The following ABHD3 variants were observed in gnomAD, a reference collection of about 807,000 sequenced individuals.
The protein encoded by ABHD3 is abhydrolase domain containing 3, phospholipase, also known as phospholipase ABHD3.
In ABHD3, 46 loss-of-function variants were observed where a neutral mutation model predicts 48.8. The ratio of observed to expected loss-of-function variants is 0.94; its 90% confidence interval spans 0.74 to 1.20. ABHD3 has a LOEUF of 1.20. Ranked by LOEUF, ABHD3 falls within the 50% of genes most tolerant of loss-of-function variation. ABHD3 has a pLI of 0.00. For missense variants in ABHD3, 490 were observed against 497.8 expected (o/e 0.98, Z 0.15); for synonymous variants, 192 against 183.7 (o/e 1.04, Z -0.36).
intron 4 of ABHD3, among the ~76,000 whole-genome samples, chr18:21,667,992 A>G (rs6508540): frequency 0.51 from 76,745 of 151,058 alleles, 22,540 homozygotes; most frequent in African/African-American, 0.81. Flanking sequence ...CCTGAGGTCA[A>G]GAGTTCGAGA....
At chr18:21,704,353 T>C (rs2040587312) in intron 1 of ABHD3, 151 bp downstream of exon 1, 1 of 861,742 alleles carries the variant, frequency 1.2e-6, no homozygotes, top group Admixed American at 4.6e-5. Context: ...GCCTGTTGGC[T>C]TTCCCGCGCG....
In ABHD3 at chr18:21,704,485, T is replaced by G. The variant is rs372900519; in HGVS notation, c.162+19A>C. The stretch of plus-strand genomic sequence containing the variant: ...CTCCTGGCCCAGCAGCCCGCGGCCC[T>G]GCGCCACCCCCGGCTCACCTTGGCA... On this transcript the variant is annotated intron_variant, in intron 1 of 8. Transcript: ENST00000289119. 6.5e-6 allele frequency: 9 copies of G among 1,390,370 alleles called. No individual in the cohort carries two copies. In the African/African-American group the frequency reaches 1.2e-4, roughly 19 times the overall value. 86.1% of individuals were successfully genotyped at this position (1,390,370 alleles called of 1,614,324 possible). A position where few individuals can be genotyped will look rare whatever the true frequency, so the allele number is the denominator to read the frequency against.
intron 4 of ABHD3, among the ~76,000 whole-genome samples, chr18:21,666,816 GCTTCA>G (rs2039642441): frequency 6.6e-6 from 1 of 152,092 alleles, no homozygotes; most frequent in African/African-American, 2.4e-5. Context: ...CATCACGGAT[GCTTCA>G]CTTGAGATCT....
At chr18:21,698,246 T>A (rs2040430399) in intron 3 of ABHD3, among the ~76,000 whole-genome samples, 1 of 151,836 alleles carries the variant, frequency 6.6e-6, no homozygotes, top group Admixed American at 6.6e-5. Flanking sequence ...AGTGCAATGG[T>A]GCGATCTCAG....
intron 3 of ABHD3, among the ~76,000 whole-genome samples, chr18:21,691,819 T>C (rs1008181373): frequency 4.6e-5 from 7 of 152,318 alleles, no homozygotes; most frequent in Admixed American, 3.9e-4. Flanking sequence ...TTGGAAGAGC[T>C]AGATTTTCCC....
chr18:21,701,061 A>T (rs2040502628), intron 3 of ABHD3, among the ~76,000 whole-genome samples: 2 of 151,986 alleles, frequency 1.3e-5, no homozygotes, highest in Non-Finnish European at 2.9e-5. Flanking sequence ...TTTCTTGAAT[A>T]TAATTCTTGA....
At position 21,704,567 on chromosome 18, in the gene ABHD3, G is replaced by A. The variant is rs931081402; in HGVS notation, c.99C>T (p.Gly33=). The stretch of plus-strand genomic sequence containing the variant: ...CGCTGAAGCCCAGGATAAGGGATAA[G>A]CCCACCCCCGAGCCGAAGAACCCCA... The part of the protein sequence containing the change: ...VRVGFFGSGV[G]LSLILGFSVA... The change falls in exon 1 of 9, where the codon GGC becomes GGT. Residue 33 remains glycine (G), a synonymous_variant. Coordinates refer to ENST00000289119, the MANE Select transcript of ABHD3 (RefSeq NM_138340.5). 8 of 1,539,784 alleles carry A rather than the reference G, an allele frequency of 5.2e-6. No individual in the cohort carries two copies. The highest frequency in any genetic ancestry group is 6.1e-6 in the Non-Finnish European group (7 of 1,145,874).
At position 21,651,496 on chromosome 18, in the gene ABHD3, T is replaced by C; in HGVS notation, c.*95A>G. ...TGGACCTCTTCACCCATCTGCTGGC[T>C]TATTTGCTTTATATACAACAGTTAA... On this transcript the variant is annotated 3_prime_UTR_variant, in exon 9 of 9. Coordinates refer to ENST00000289119, the MANE Select transcript of ABHD3 (RefSeq NM_138340.5). The C allele has an allele frequency of 4.2e-6, 6 of 1,437,112 alleles. No homozygotes were observed. Among genetic ancestry groups the C allele is most frequent in the Non-Finnish European group, 5.7e-6 (6 of 1,056,282 alleles). 89.0% of individuals were successfully genotyped at this position (1,437,112 alleles called of 1,614,324 possible).
chr18:21,699,917 C>G (rs2040469889), intron 3 of ABHD3, among the ~76,000 whole-genome samples: 2 of 152,004 alleles, frequency 1.3e-5, no homozygotes, highest in South Asian at 4.1e-4. Flanking sequence ...ACCTTGTGAT[C>G]CGCATGCCTC....
chr18:21,661,491 C>T (rs529482064), intron 5 of ABHD3, among the ~76,000 whole-genome samples: 1 of 151,748 alleles, frequency 6.6e-6, no homozygotes, highest in African/African-American at 2.4e-5. Flanking sequence ...ATTAGCTGGA[C>T]ATGGTGGTGG....
chr18:21,666,219 C>T (rs1300113986), intron 4 of ABHD3, among the ~76,000 whole-genome samples: 2 of 151,732 alleles, frequency 1.3e-5, no homozygotes, highest in Non-Finnish European at 2.9e-5. Flanking sequence ...TTTTGAGACA[C>T]AGTCTCGCTC....
intron 3 of ABHD3, among the ~76,000 whole-genome samples, chr18:21,692,497 A>T (rs566204880): frequency 1.9e-4 from 29 of 151,814 alleles, no homozygotes; most frequent in Non-Finnish European, 3.5e-4. Context: ...CTTGCTGATC[A>T]TAAGTTCTAA....
At chr18:21,704,410 C>G (rs1598573166) in intron 1 of ABHD3, 94 bp downstream of exon 1, 2 of 1,207,366 alleles carry the variant, frequency 1.7e-6, no homozygotes, top group East Asian at 6.7e-5. Context: ...ATCCCCGGGG[C>G]TGCCGACCGC....
chr18:21,662,171 T>C (rs1007983198), intron 5 of ABHD3: 1 of 151,492 alleles, frequency 6.6e-6, no homozygotes. Flanking sequence ...GGTTTCACCA[T>C]GTTGGCCAGG....
At chr18:21,677,361 ATTTT>A (rs564576359) in intron 4 of ABHD3, among the ~76,000 whole-genome samples, 18 of 139,684 alleles carry the variant, frequency 1.3e-4, no homozygotes, top group African/African-American at 4.5e-4. Context: ...CGCCTGGCAA[ATTTT>A]TTTTTTTTTT....
chr18:21,698,532 G>T (rs906247308), intron 3 of ABHD3, among the ~76,000 whole-genome samples: 1 of 151,576 alleles, frequency 6.6e-6, no homozygotes, highest in Non-Finnish European at 1.5e-5. Flanking sequence ...GATGAGGGAA[G>T]TAAGACATAA....
At chr18:21,657,696 A>T (rs3017644) in intron 6 of ABHD3, among the ~76,000 whole-genome samples, 77,486 of 151,846 alleles carry the variant, frequency 0.51, 23,236 homozygotes, top group African/African-American at 0.84. Context: ...AGGATAACTA[A>T]GGTTTTCAGT....
intron 3 of ABHD3, among the ~76,000 whole-genome samples, chr18:21,688,402 A>G (rs1485324675): frequency 2.0e-5 from 3 of 152,114 alleles, no homozygotes; most frequent in African/African-American, 7.2e-5. Flanking sequence ...ATAACAACAG[A>G]TACTGTTTAC....
intron 3 of ABHD3, among the ~76,000 whole-genome samples, chr18:21,687,860 AGTGCTGTCCT>A (rs1159622900): frequency 6.6e-6 from 1 of 152,236 alleles, no homozygotes; most frequent in Non-Finnish European, 1.5e-5. Context: ...TCTTTGTAGC[AGTGCTGTCCT>A]GTGCATTATA....
Sources: allele counts gnomAD v4.1 joint callset (sites outside exome capture counted in the v4.1 genomes callset), GRCh38; gene constraint gnomAD v4.1.1; transcripts MANE v1.5; gene names NCBI Gene and HGNC (gene_info 2026-07-23, HGNC 2026-07-21).